Variants in RANBP2 observed in about 807,000 individuals in gnomAD.
RANBP2 encodes the protein RAN binding protein 2.
Under a neutral mutation model 303.6 loss-of-function variants are expected in RANBP2, and 57 were observed. That is an observed-to-expected ratio of 0.19 (90% CI 0.15 to 0.23). The LOEUF is 0.23. Among genes scored for constraint, RANBP2 ranks in the 10% least tolerant of loss-of-function variants. The probability of loss-of-function intolerance (pLI) is 1.00; values close to 1 mark genes in which losing one functional copy is unlikely to be tolerated. For synonymous variants in RANBP2, 1,167 were observed against 1,301.5 expected (o/e 0.90, Z 2.23); for missense variants, 3,138 against 3,780.8 (o/e 0.83, Z 4.46).
At chr2:109,467,383 A>G in the RANBP2 span, among the ~76,000 whole-genome samples, 1 of 152,376 alleles carries the variant, frequency 6.6e-6, no homozygotes, top group East Asian at 1.9e-4. Flanking sequence ...AGAAAGCAGA[A>G]TAGCCACTGG....
At chr2:109,040,949 G>A in the RANBP2 span, among the ~76,000 whole-genome samples, 5 of 152,098 alleles carry the variant, frequency 3.3e-5, no homozygotes, top group African/African-American at 9.7e-5. Context: ...CCAGCTACTC[G>A]GGAGGCTGAG....
the RANBP2 span, among the ~76,000 whole-genome samples, chr2:109,172,982 C>T: frequency 1.4e-4 from 21 of 152,206 alleles, no homozygotes; most frequent in African/African-American, 4.3e-4. Flanking sequence ...TATGACCTTG[C>T]GCTTGTCTTC....
chr2:109,630,363 T>G, the RANBP2 span, among the ~76,000 whole-genome samples: 1 of 152,010 alleles, frequency 6.6e-6, no homozygotes, highest in Non-Finnish European at 1.5e-5. Context: ...AGCAGACGGC[T>G]CCTCTACCTC....
At chr2:109,215,942 G>A in the RANBP2 span, among the ~76,000 whole-genome samples, 9 of 152,286 alleles carry the variant, frequency 5.9e-5, no homozygotes, top group East Asian at 1.7e-3. Context: ...CCGTGCCAGC[G>A]GCCACGTGAG....
chr2:109,580,051 A>G, the RANBP2 span, among the ~76,000 whole-genome samples: 1 of 151,930 alleles, frequency 6.6e-6, no homozygotes, highest in Admixed American at 6.6e-5. Flanking sequence ...AACCTGAGAG[A>G]TGGAGGTTGC....
the RANBP2 span, among the ~76,000 whole-genome samples, chr2:109,251,826 T>C: frequency 6.6e-6 from 1 of 152,216 alleles, no homozygotes; most frequent in Non-Finnish European, 1.5e-5. Flanking sequence ...ATATTTTTAA[T>C]ACCAATTTTC....
the RANBP2 span, among the ~76,000 whole-genome samples, chr2:109,463,219 A>G: frequency 6.6e-6 from 1 of 152,252 alleles, no homozygotes; most frequent in Non-Finnish European, 1.5e-5. Context: ...AATTTAGTAG[A>G]CAGCCCATCT....
At chr2:109,425,202 C>G in the RANBP2 span, among the ~76,000 whole-genome samples, 6 of 152,126 alleles carry the variant, frequency 3.9e-5, no homozygotes, top group African/African-American at 1.4e-4. Context: ...GGTGAGGAAG[C>G]TAAAGGAGGA....
At chr2:108,788,840 T>C (rs573576552), downstream of RANBP2, 1 of 1,613,990 alleles carries the variant, frequency 6.2e-7, no homozygotes, top group East Asian at 2.2e-5. Context: ...ATGGTTTCTT[T>C]GTCGTTGACA....
chr2:109,251,282 C>T, the RANBP2 span: 3 of 360,326 alleles, frequency 8.3e-6, no homozygotes, highest in South Asian at 7.4e-5. Context: ...GGATTAATTA[C>T]AGGCGTGAGC....
At chr2:109,234,074 G>A in the RANBP2 span, among the ~76,000 whole-genome samples, 1 of 152,220 alleles carries the variant, frequency 6.6e-6, no homozygotes, top group East Asian at 1.9e-4. Flanking sequence ...TTAACATTTA[G>A]GAGTAGAATT....
the RANBP2 span, chr2:109,347,534 A>G: frequency 8.6e-7 from 1 of 1,157,370 alleles, no homozygotes; most frequent in Non-Finnish European, 1.2e-6. Context: ...TCTTTAAAAT[A>G]TTTTCCACTT....
chr2:108,929,082 C>T, the RANBP2 span: 12 of 1,211,868 alleles, frequency 9.9e-6, no homozygotes, highest in East Asian at 2.5e-5. Flanking sequence ...GCCAGGTGTG[C>T]GGCTGCACCG....
chr2:109,210,983 A>G, the RANBP2 span, among the ~76,000 whole-genome samples: 1 of 152,020 alleles, frequency 6.6e-6, no homozygotes, highest in Admixed American at 6.5e-5. Flanking sequence ...TGGGGTGCAC[A>G]CCCGCTCTGC....
At chr2:109,592,020 T>C in the RANBP2 span, among the ~76,000 whole-genome samples, 3 of 152,166 alleles carry the variant, frequency 2.0e-5, no homozygotes, top group Non-Finnish European at 2.9e-5. Flanking sequence ...CAAATTTCAA[T>C]ATGAATTACC....
the RANBP2 span, among the ~76,000 whole-genome samples, chr2:109,732,535 A>G: frequency 2.0e-5 from 3 of 150,472 alleles, no homozygotes; most frequent in South Asian, 2.1e-4. Context: ...CTGGAGTGCA[A>G]TGGTGTAGTC....
chr2:109,467,300 A>T, the RANBP2 span, among the ~76,000 whole-genome samples: 4 of 152,286 alleles, frequency 2.6e-5, no homozygotes, highest in African/African-American at 9.6e-5. Context: ...GGCACCACCC[A>T]GCAAGAAAAA....
At chr2:108,754,075 G>A (rs1676116710) in intron 15 of RANBP2, 104 bp downstream of exon 15, 8 of 1,607,204 alleles carry the variant, frequency 5.0e-6, no homozygotes, top group African/African-American at 2.7e-5. Flanking sequence ...TCAGTAATAT[G>A]TTGTTATTAA....
chr2:109,232,228 CCAACAACATAGGAGAATTACAGTT>C, the RANBP2 span, among the ~76,000 whole-genome samples: 1 of 152,202 alleles, frequency 6.6e-6, no homozygotes, highest in African/African-American at 2.4e-5. Context: ...TCACTACCAC[CCAACAACATAGGAGAATTACAGTT>C]CCCCATATCC....
Sources: gnomAD v4.1 joint callset for allele counts (sites outside exome capture counted in the v4.1 genomes callset) on GRCh38, gnomAD v4.1.1 for gene constraint, MANE v1.5 for transcripts, NCBI Gene and HGNC (gene_info 2026-07-23, HGNC 2026-07-21) for gene names.